Variants in CCDC12 observed in about 807,000 individuals in gnomAD.
The protein encoded by CCDC12 is coiled-coil domain-containing protein 12.
Under a neutral mutation model 25.7 loss-of-function variants are expected in CCDC12, and 28 were observed. The ratio of observed to expected loss-of-function variants is 1.09; its 90% CI spans 0.81 to 1.50. The LOEUF is 1.50. CCDC12 is among the 40% of genes most tolerant of loss of function. CCDC12 has a pLI of 0.00. For synonymous variants in CCDC12, 75 were observed against 87.7 expected (o/e 0.86, Z 0.81); for missense variants, 198 against 210.0 (o/e 0.94, Z 0.35).
intron 1 of CCDC12, among the ~76,000 whole-genome samples, chr3:46,958,801 G>T (rs1369439479): frequency 6.6e-6 from 1 of 152,142 alleles, no homozygotes; most frequent in East Asian, 1.9e-4. Flanking sequence ...GCCAGTCACT[G>T]ATGTAAGCCA....
chr3:46,957,379 T>C (rs1298398901), intron 1 of CCDC12, among the ~76,000 whole-genome samples: 1 of 152,234 alleles, frequency 6.6e-6, no homozygotes, highest in Non-Finnish European at 1.5e-5. Flanking sequence ...TTTCAGGCTG[T>C]GTACCTCTAA....
rs768438783 is a variant in CCDC12 at position 46,923,295 on chromosome 3, C to T, written c.341+34G>A. On this transcript the variant is annotated intron_variant, in intron 5 of 6. Transcript: ENST00000683445. Reference sequence around the variant, plus strand: ...ATGCTGGCACCAAGAGTCCCCGAGTCAGCCTGCACCCGCCACGCACGGGCA... The same window carrying T: ...ATGCTGGCACCAAGAGTCCCCGAGTTAGCCTGCACCCGCCACGCACGGGCA... 22 of 1,465,398 alleles carry T rather than the reference C, an allele frequency of 1.5e-5. 1 individual carries two copies. The South Asian group carries it at 3.3e-4, about 22-fold the overall frequency. 90.8% of individuals were successfully genotyped at this position (1,465,398 alleles called of 1,614,324 possible). A position where few individuals can be genotyped will look rare whatever the true frequency, so the allele number is the denominator to read the frequency against.
At chr3:46,957,264 C>T (rs2034318921) in intron 1 of CCDC12, among the ~76,000 whole-genome samples, 1 of 152,136 alleles carries the variant, frequency 6.6e-6, no homozygotes, top group Non-Finnish European at 1.5e-5. Context: ...AAGATTGATT[C>T]CAGGGCACAG....
At chr3:46,960,693 G>A (rs1388042379) in intron 1 of CCDC12, among the ~76,000 whole-genome samples, 1 of 152,190 alleles carries the variant, frequency 6.6e-6, no homozygotes, top group Non-Finnish European at 1.5e-5. Context: ...GAGAAGCCAG[G>A]GCCCCAGAAT....
chr3:46,930,209 T>C (rs2033152279), intron 2 of CCDC12, among the ~76,000 whole-genome samples: 2 of 152,148 alleles, frequency 1.3e-5, no homozygotes, highest in Admixed American at 6.5e-5. Flanking sequence ...TGATTTTCTG[T>C]AGTTTCCGGA....
chr3:46,948,238 G>A (rs1189074956), intron 1 of CCDC12, among the ~76,000 whole-genome samples: 2 of 152,218 alleles, frequency 1.3e-5, no homozygotes, highest in African/African-American at 2.4e-5. Flanking sequence ...GCAGGAACAG[G>A]TGGTGACTAC....
At chr3:46,966,510 T>C (rs2034645146) in intron 1 of CCDC12, among the ~76,000 whole-genome samples, 1 of 151,174 alleles carries the variant, frequency 6.6e-6, no homozygotes, top group African/African-American at 2.4e-5. Context: ...AGTGAGACTC[T>C]GTCTCAAAAA....
upstream of CCDC12, among the ~76,000 whole-genome samples, chr3:46,978,043 G>A (rs752785184): frequency 1.3e-5 from 2 of 152,338 alleles, no homozygotes; most frequent in East Asian, 1.9e-4. Context: ...ACTGCCAGGG[G>A]ACAACTAGCC....
At chr3:46,980,520 AG>A (rs2107234032), upstream of CCDC12, among the ~76,000 whole-genome samples, 1 of 143,008 alleles carries the variant, frequency 7.0e-6, no homozygotes, top group East Asian at 2.4e-4. Flanking sequence ...CCCCATTCTG[AG>A]GGGTAGACCC....
At chr3:46,957,960 TACAC>T (rs367926661) in intron 1 of CCDC12, among the ~76,000 whole-genome samples, 120 of 64,764 alleles carry the variant, frequency 1.9e-3, no homozygotes, top group South Asian at 0.012. Context: ...AAAAAATAAA[TACAC>T]ACACACACAC....
At chr3:46,975,429 TG>T (rs1384308583) in intron 1 of CCDC12, among the ~76,000 whole-genome samples, 1 of 152,152 alleles carries the variant, frequency 6.6e-6, no homozygotes, top group Non-Finnish European at 1.5e-5. Flanking sequence ...TCTGCCCGCC[TG>T]GGCCTCCCAA....
At chr3:46,934,886 G>A (rs1440989504) in intron 2 of CCDC12, among the ~76,000 whole-genome samples, 1 of 152,230 alleles carries the variant, frequency 6.6e-6, no homozygotes, top group African/African-American at 2.4e-5. Context: ...GCCCTGGTCG[G>A]TACCACTACG....
intron 4 of CCDC12, 68 bp downstream of exon 4, chr3:46,923,539 G>C: frequency 1.3e-6 from 2 of 1,527,798 alleles, no homozygotes; most frequent in Non-Finnish European, 1.8e-6. Context: ...GGCAGAGGGA[G>C]AGCAAGTGGC....
At chr3:46,924,898 C>T (rs1003961015) in intron 3 of CCDC12, 3 of 193,388 alleles carry the variant, frequency 1.6e-5, no homozygotes, top group South Asian at 7.8e-5. Flanking sequence ...CCCAGGGATC[C>T]GCAGGACTAA....
intron 3 of CCDC12, 133 bp from the exon 4 acceptor site, chr3:46,923,801 C>G: frequency 1.4e-6 from 1 of 691,192 alleles, no homozygotes; most frequent in Non-Finnish European, 2.2e-6. Flanking sequence ...TGGCCCGCAA[C>G]CAGCCAGAGG....
At chr3:46,962,027 A>G (rs920741616) in intron 1 of CCDC12, among the ~76,000 whole-genome samples, 1 of 152,234 alleles carries the variant, frequency 6.6e-6, no homozygotes, top group Admixed American at 6.5e-5. Flanking sequence ...TTATAACATA[A>G]AAGAATATCA....
intron 1 of CCDC12, among the ~76,000 whole-genome samples, chr3:46,974,780 T>C (rs2034914028): frequency 6.6e-6 from 1 of 152,244 alleles, no homozygotes; most frequent in East Asian, 1.9e-4. Flanking sequence ...AACATTCTTT[T>C]ACTTCACACA....
chr3:46,957,694 C>G (rs1432774435), intron 1 of CCDC12, among the ~76,000 whole-genome samples: 1 of 152,150 alleles, frequency 6.6e-6, no homozygotes, highest in Middle Eastern at 3.2e-3. Flanking sequence ...GTAATCCCAG[C>G]ACTTCAGGAG....
At chr3:46,930,702 C>T (rs1283637076) in intron 2 of CCDC12, among the ~76,000 whole-genome samples, 1 of 152,214 alleles carries the variant, frequency 6.6e-6, no homozygotes, top group Admixed American at 6.5e-5. Flanking sequence ...CCTGGCCCCA[C>T]AGCCTGCTCA....
Sources: allele counts gnomAD v4.1 joint callset (sites outside exome capture counted in the v4.1 genomes callset), GRCh38; gene constraint gnomAD v4.1.1; transcripts MANE v1.5; gene names NCBI Gene and HGNC (gene_info 2026-07-23, HGNC 2026-07-21).